MTHFD2L: variants seen among roughly 807,000 people sequenced by gnomAD.
The protein encoded by MTHFD2L is methylenetetrahydrofolate dehydrogenase (NADP+ dependent) 2 like, also known as bifunctional methylenetetrahydrofolate dehydrogenase/cyclohydrolase 2, mitochondrial.
Under a neutral mutation model 34.9 loss-of-function variants are expected in MTHFD2L, and 29 were observed. The ratio of observed to expected loss-of-function variants is 0.83; its 90% CI spans 0.62 to 1.13. The LOEUF (loss-of-function observed/expected upper bound fraction) is 1.13. Ranked by LOEUF, MTHFD2L falls within the 50% of genes most tolerant of loss-of-function variation. The probability of loss-of-function intolerance (pLI) is 0.00; values close to 1 mark genes in which losing one functional copy is unlikely to be tolerated. For missense variants in MTHFD2L, 481 were observed against 446.5 expected (o/e 1.08, Z -0.70); for synonymous variants, 167 against 155.7 (o/e 1.07, Z -0.54).
At chr4:74,182,569 T>C (rs1405177980) in intron 3 of MTHFD2L, among the ~76,000 whole-genome samples, 2 of 152,200 alleles carry the variant, frequency 1.3e-5, no homozygotes, top group African/African-American at 4.8e-5. Flanking sequence ...AGCGTAAATG[T>C]CACTGCTTTG....
chr4:74,287,994 C>T (rs963683992), intron 7 of MTHFD2L, among the ~76,000 whole-genome samples: 2 of 152,180 alleles, frequency 1.3e-5, no homozygotes, highest in African/African-American at 4.8e-5. Context: ...GCTGAGTCAA[C>T]CTTGCCAGGT....
At chr4:74,249,524 T>A (rs1743007169) in intron 6 of MTHFD2L, among the ~76,000 whole-genome samples, 2 of 152,202 alleles carry the variant, frequency 1.3e-5, no homozygotes, top group Admixed American at 6.5e-5. Context: ...CCTGTCATTA[T>A]GATGTTAGCT....
intron 5 of MTHFD2L, among the ~76,000 whole-genome samples, chr4:74,214,386 G>A (rs1227670585): frequency 6.6e-6 from 1 of 151,674 alleles, no homozygotes; most frequent in Non-Finnish European, 1.5e-5. Flanking sequence ...TCCTTCGGAT[G>A]GGGTTTTTGT....
intron 1 of MTHFD2L, among the ~76,000 whole-genome samples, chr4:74,168,473 A>T (rs1020431060): frequency 6.6e-6 from 1 of 152,124 alleles, no homozygotes; most frequent in Non-Finnish European, 1.5e-5. Context: ...ATGTAAAATA[A>T]CTCTGGCCCT....
chr4:74,266,741 C>CT lies in MTHFD2L; in HGVS notation c.806-14682dup, dbSNP rs1745328866. 6.0e-6 allele frequency: 3 copies of CT among 497,470 alleles called. No homozygotes were observed. In the South Asian group the frequency reaches 2.6e-4, roughly 43 times the overall value. The allele number at this position is 497,470 out of a possible 1,614,324, so 30.8% of individuals were successfully genotyped here. A position where few individuals can be genotyped will look rare whatever the true frequency, so the allele number is the denominator to read the frequency against. Reference sequence around the variant, plus strand: ...TTGAAGCTAAGAAGTAAGGTCTCCACTTCTCTCCTGTCTATCACTTTTCTG... The same window carrying CT: ...TTGAAGCTAAGAAGTAAGGTCTCCACTTTCTCTCCTGTCTATCACTTTTCTG... On this transcript the variant is annotated intron_variant, in intron 6 of 7. Coordinates refer to ENST00000325278, the MANE Select transcript of MTHFD2L (RefSeq NM_001144978.3).
chr4:74,140,470 T>C, intron 1 of MTHFD2L: 1 of 647,066 alleles, frequency 1.5e-6, no homozygotes, highest in Non-Finnish European at 1.9e-6. Context: ...TACTCCTGTT[T>C]TTTTAGTATT....
intron 5 of MTHFD2L, among the ~76,000 whole-genome samples, chr4:74,214,382 G>A (rs184877605): frequency 2.0e-5 from 3 of 151,592 alleles, no homozygotes; most frequent in Admixed American, 6.6e-5. Context: ...GGTGTCCTTC[G>A]GATGGGGTTT....
Position 74,158,290 on chromosome 4 carries a change from G to T in MTHFD2L, c.143+9G>T, listed in dbSNP as rs1290542040. 1.0e-5 allele frequency: 13 copies of T among 1,302,838 alleles called. No individual in the cohort carries two copies. The highest frequency in any genetic ancestry group is 1.3e-5 in the Non-Finnish European group (13 of 1,025,072). The allele number at this position is 1,302,838 out of a possible 1,614,324, so 80.7% of individuals were successfully genotyped here. A position where few individuals can be genotyped will look rare whatever the true frequency, so the allele number is the denominator to read the frequency against. On this transcript the variant is annotated intron_variant, in intron 1 of 7. Coordinates refer to ENST00000325278, the MANE Select transcript of MTHFD2L (RefSeq NM_001144978.3). Reference sequence around the variant, plus strand: ...CGGAGCAGCGGTGTGAGGTACGAGGGCTGCGGGCGCCGGGTGCGGAGCCGC... The same window carrying T: ...CGGAGCAGCGGTGTGAGGTACGAGGTCTGCGGGCGCCGGGTGCGGAGCCGC...
intron 6 of MTHFD2L, among the ~76,000 whole-genome samples, chr4:74,260,502 A>G (rs1230813776): frequency 6.6e-6 from 1 of 152,128 alleles, no homozygotes; most frequent in Non-Finnish European, 1.5e-5. Flanking sequence ...CAAACAGTAC[A>G]AAAGCTATTA....
upstream of MTHFD2L, among the ~76,000 whole-genome samples, chr4:74,121,556 T>G (rs977363587): frequency 1.5e-4 from 22 of 148,864 alleles, no homozygotes; most frequent in Middle Eastern, 7.0e-3. Context: ...GGGCTCTCAC[T>G]GATTCTACAT....
chr4:74,282,189 C>T (rs1747582880), intron 7 of MTHFD2L, among the ~76,000 whole-genome samples: 1 of 152,080 alleles, frequency 6.6e-6, no homozygotes, highest in Admixed American at 6.6e-5. Flanking sequence ...TTCTAGATGC[C>T]TGACCCTCTA....
chr4:74,276,391 G>A (rs1002958861), intron 6 of MTHFD2L, among the ~76,000 whole-genome samples: 16 of 152,050 alleles, frequency 1.1e-4, no homozygotes, highest in African/African-American at 3.9e-4. Flanking sequence ...GATGGTTTTG[G>A]TTCTCACATA....
At chr4:74,285,473 C>T (rs1435460260) in intron 7 of MTHFD2L, among the ~76,000 whole-genome samples, 1 of 151,894 alleles carries the variant, frequency 6.6e-6, no homozygotes, top group Non-Finnish European at 1.5e-5. Context: ...TCAATGTTTC[C>T]AAAATTTTAA....
intron 1 of MTHFD2L, among the ~76,000 whole-genome samples, chr4:74,125,875 C>T (rs1191834446): frequency 2.0e-5 from 3 of 152,058 alleles, no homozygotes; most frequent in African/African-American, 4.8e-5. Context: ...GAGCATTCTT[C>T]CATGGTTTCC....
chr4:74,147,846 T>C (rs1240807694), intron 1 of MTHFD2L, among the ~76,000 whole-genome samples: 6 of 152,226 alleles, frequency 3.9e-5, no homozygotes, highest in Admixed American at 6.5e-5. Flanking sequence ...TGCCCAATTT[T>C]AATTGAGTTG....
At chr4:74,123,950 G>T (rs1377012363), upstream of MTHFD2L, among the ~76,000 whole-genome samples, 1 of 152,016 alleles carries the variant, frequency 6.6e-6, no homozygotes, top group Non-Finnish European at 1.5e-5. Context: ...TGTAATATTT[G>T]CATTGATGTA....
chr4:74,253,778 G>T (rs1743632271), intron 6 of MTHFD2L, among the ~76,000 whole-genome samples: 1 of 151,980 alleles, frequency 6.6e-6, no homozygotes, highest in Non-Finnish European at 1.5e-5. Context: ...CTACCCCATG[G>T]CTCTAGGCTG....
chr4:74,212,106 A>G (rs184948498), intron 5 of MTHFD2L, among the ~76,000 whole-genome samples: 50 of 152,046 alleles, frequency 3.3e-4, no homozygotes, highest in Non-Finnish European at 3.8e-4. Context: ...CTAGTGGTCA[A>G]TTTATTTTGT....
At chr4:74,272,304 C>T (rs1275698426) in intron 6 of MTHFD2L, among the ~76,000 whole-genome samples, 2 of 152,032 alleles carry the variant, frequency 1.3e-5, no homozygotes, top group Admixed American at 6.6e-5. Flanking sequence ...TGGAAATGCC[C>T]ACCACCTGCA....
Sources: gnomAD v4.1 joint callset for allele counts (sites outside exome capture counted in the v4.1 genomes callset) on GRCh38, gnomAD v4.1.1 for gene constraint, MANE v1.5 for transcripts, NCBI Gene and HGNC (gene_info 2026-07-23, HGNC 2026-07-21) for gene names.